Variants in MCPH1 observed in about 807,000 individuals in gnomAD.
The protein encoded by MCPH1 is microcephalin.
In MCPH1, 104 loss-of-function variants were observed where a neutral mutation model predicts 84.5. That is an observed-to-expected ratio of 1.23 (90% CI 1.05 to 1.45). The LOEUF is 1.45. MCPH1 is among the 40% of genes most tolerant of loss of function. The pLI, the probability that MCPH1 is intolerant of heterozygous loss-of-function variation, is 0.00. For missense variants in MCPH1, 1,498 were observed against 1,005.7 expected (o/e 1.49, Z -6.62); for synonymous variants, 514 against 366.8 (o/e 1.40, Z -4.58).
In MCPH1 at chr8:6,429,965, T is replaced by C. The variant is rs1038189320; in HGVS notation, c.234-1534T>C. 3.3e-5 allele frequency among the ~76,000 whole-genome samples: 5 copies of C among 152,292 alleles called. No homozygotes were observed. The East Asian group carries it at 9.6e-4, about 29-fold the overall frequency. ...ATGAATTCTTTTTTTGTTGCTAGTC[T>C]CCTAAGTTGCATTCATTCACTCAGT... is the stretch of plus-strand genomic sequence containing the variant. On this transcript the variant is annotated intron_variant, in intron 3 of 13. Coordinates refer to ENST00000344683, the MANE Select transcript of MCPH1 (RefSeq NM_024596.5).
chr8:6,408,434 C>G (rs542391132), intron 1 of MCPH1, among the ~76,000 whole-genome samples: 2 of 152,222 alleles, frequency 1.3e-5, no homozygotes, highest in Admixed American at 6.5e-5. Context: ...GTTGCCTAGG[C>G]TGGTCTTGAA....
intron 12 of MCPH1, among the ~76,000 whole-genome samples, chr8:6,606,692 C>T (rs1829804165): frequency 6.6e-6 from 1 of 152,222 alleles, no homozygotes; most frequent in Non-Finnish European, 1.5e-5. Flanking sequence ...AATAAAGCAT[C>T]AGCAACCTTA....
At chr8:6,426,426 A>G (rs989725317) in intron 3 of MCPH1, among the ~76,000 whole-genome samples, 1 of 152,220 alleles carries the variant, frequency 6.6e-6, no homozygotes, top group Non-Finnish European at 1.5e-5. Flanking sequence ...CTGGGGCTTC[A>G]GATCAGTGGA....
chr8:6,465,924 GATCCATCCATCCATCCATCC>G (rs202202756), intron 9 of MCPH1, among the ~76,000 whole-genome samples: 4 of 148,236 alleles, frequency 2.7e-5, no homozygotes, highest in South Asian at 2.2e-4. Context: ...TTTATCTATC[GATCCATCCATCCATCCATCC>G]ATGCATCCAT....
chr8:6,580,254 G>C (rs561744616), intron 12 of MCPH1, among the ~76,000 whole-genome samples: 1 of 152,184 alleles, frequency 6.6e-6, no homozygotes, highest in Non-Finnish European at 1.5e-5. Context: ...AAGCCTCCAC[G>C]ATGTCCATCA....
At chr8:6,601,703 AACACACACC>A (rs1486841645) in intron 12 of MCPH1, among the ~76,000 whole-genome samples, 1 of 135,708 alleles carries the variant, frequency 7.4e-6, no homozygotes, top group Non-Finnish European at 1.5e-5. Context: ...TACCACACAC[AACACACACC>A]ACACACACAC....
intron 12 of MCPH1, among the ~76,000 whole-genome samples, chr8:6,571,880 GA>G (rs923319424): frequency 2.6e-5 from 4 of 152,140 alleles, no homozygotes; most frequent in African/African-American, 7.2e-5. Context: ...ATGTTTGCTT[GA>G]AGTATATAAA....
intron 12 of MCPH1, among the ~76,000 whole-genome samples, chr8:6,505,331 A>ATT (rs1563306161): frequency 1.7e-5 from 1 of 57,734 alleles, no homozygotes; most frequent in African/African-American, 1.0e-4. Flanking sequence ...TTATATACAT[A>ATT]TAGAAAGAAT....
intron 13 of MCPH1, among the ~76,000 whole-genome samples, chr8:6,631,025 A>G (rs772478334): frequency 2.6e-5 from 4 of 152,160 alleles, no homozygotes; most frequent in Non-Finnish European, 5.9e-5. Flanking sequence ...GGTGCTCTAA[A>G]AGGTGCTCTA....
intron 12 of MCPH1, chr8:6,513,542 C>G: frequency 1.8e-6 from 1 of 570,296 alleles, no homozygotes; most frequent in Non-Finnish European, 2.8e-6. Context: ...ACTTTGTTTG[C>G]CAGGATGGTC....
At chr8:6,440,200 C>A (rs1006132428) in intron 6 of MCPH1, among the ~76,000 whole-genome samples, 2 of 151,928 alleles carry the variant, frequency 1.3e-5, no homozygotes, top group Non-Finnish European at 2.9e-5. Context: ...AATTGTGTTG[C>A]AGTTTTTATT....
At chr8:6,596,861 T>A (rs551076713) in intron 12 of MCPH1, among the ~76,000 whole-genome samples, 1 of 152,212 alleles carries the variant, frequency 6.6e-6, no homozygotes, top group Non-Finnish European at 1.5e-5. Context: ...ATGAAATAGC[T>A]AAGAACCAGC....
chr8:6,621,818 C>A, intron 13 of MCPH1, 127 bp downstream of exon 13: 1 of 1,246,090 alleles, frequency 8.0e-7, no homozygotes, highest in Non-Finnish European at 1.2e-6. Flanking sequence ...TCTCAGCCTC[C>A]AGCATCTGCC....
intron 12 of MCPH1, among the ~76,000 whole-genome samples, chr8:6,564,237 A>C (rs1825945058): frequency 6.6e-6 from 1 of 152,186 alleles, no homozygotes; most frequent in African/African-American, 2.4e-5. Context: ...TTGGCCTCCC[A>C]AAGTGCTGAG....
Position 6,439,010 on chromosome 8 carries a change from C to G in MCPH1, c.494C>G (p.Thr165Arg). The G allele has an allele frequency of 6.2e-7, 1 of 1,609,622 alleles. No individual in the cohort carries two copies. Among genetic ancestry groups the G allele is most frequent in the East Asian group, 2.2e-5 (1 of 44,830 alleles). The change falls in exon 6 of 14, where the codon ACA becomes AGA. Residue 165 changes from threonine to arginine, a missense_variant. By Grantham distance (71) the Thr-to-Arg change is moderately conservative (BLOSUM62 -1). Transcript: ENST00000344683. ...ESNGSLIYTP[T>R]IEINSRHHSA... ...AATGGTTCATTAATATATACTCCCA[C>G]AATTGAAATTAATAGTAGGCACCAC...
chr8:6,476,444 A>G (rs2129559256), intron 9 of MCPH1, among the ~76,000 whole-genome samples: 1 of 151,386 alleles, frequency 6.6e-6, no homozygotes, highest in East Asian at 2.1e-4. Context: ...AAAAAAAAAA[A>G]AGAAGAAGAA....
At chr8:6,501,957 C>G (rs1812285292) in intron 12 of MCPH1, 1 of 149,114 alleles carries the variant, frequency 6.7e-6, no homozygotes, top group Non-Finnish European at 1.5e-5. Flanking sequence ...TGCTGATTGA[C>G]ATAAAAAAAC....
At chr8:6,565,551 T>C (rs1236187901) in intron 12 of MCPH1, among the ~76,000 whole-genome samples, 2 of 152,190 alleles carry the variant, frequency 1.3e-5, no homozygotes, top group Non-Finnish European at 2.9e-5. Flanking sequence ...TGAGCCACTG[T>C]ACCTGGCCTG....
At chr8:6,427,062 C>G (rs985149715) in intron 3 of MCPH1, among the ~76,000 whole-genome samples, 4 of 152,178 alleles carry the variant, frequency 2.6e-5, no homozygotes, top group African/African-American at 9.7e-5. Flanking sequence ...CCTGTTGCTC[C>G]TAGGCATAAA....
Sources: allele counts gnomAD v4.1 joint callset (sites outside exome capture counted in the v4.1 genomes callset), GRCh38; gene constraint gnomAD v4.1.1; transcripts MANE v1.5; gene names NCBI Gene and HGNC (gene_info 2026-07-23, HGNC 2026-07-21).